Variants in CFAP77 observed in about 807,000 individuals in gnomAD.
CFAP77 encodes the protein cilia- and flagella-associated protein 77.
A neutral mutation model predicts 31.1 loss-of-function variants in CFAP77; 25 were observed. The ratio of observed to expected loss-of-function variants is 0.80; its 90% CI spans 0.59 to 1.12. The LOEUF is 1.12. Among genes scored for constraint, CFAP77 ranks in the 50% most tolerant of loss-of-function variants. CFAP77 has a pLI of 0.00. For synonymous variants in CFAP77, 151 were observed against 159.9 expected (o/e 0.94, Z 0.42); for missense variants, 377 against 397.3 (o/e 0.95, Z 0.44).
In CFAP77 at chr9:132,517,689, C is replaced by T. The variant is rs17149235; in HGVS notation, c.524+18089C>T. On this transcript the variant is annotated intron_variant, in intron 3 of 5. Transcript: ENST00000393216. The surrounding 1 kb of genome is among the most constrained non-coding windows in gnomAD (Gnocchi z 4.7). The stretch of plus-strand genomic sequence containing the variant: ...TGAAGATGGGTTGCCATGAAAGGGC[C>T]CCTCTAATCCACAGAGCACTCCTGG... Among the ~76,000 whole-genome samples, 2 of 152,216 alleles carry T rather than the reference C, an allele frequency of 1.3e-5. No homozygotes were observed. The highest frequency in any genetic ancestry group is 4.8e-5 in the African/African-American group (2 of 41,452).
chr9:132,468,250 G>C (rs756809157), intron 1 of CFAP77, among the ~76,000 whole-genome samples: 13 of 152,154 alleles, frequency 8.5e-5, no homozygotes, highest in Admixed American at 3.3e-4. Flanking sequence ...GGAGGCTGAG[G>C]GGGGAGGATT....
intron 1 of CFAP77, among the ~76,000 whole-genome samples, chr9:132,454,544 C>T (rs1850881362): frequency 6.6e-6 from 1 of 152,168 alleles, no homozygotes; most frequent in Non-Finnish European, 1.5e-5. Flanking sequence ...TGATATTGTT[C>T]ATTGGTTGGT....
chr9:132,453,582 A>G (rs1352695237), intron 1 of CFAP77, among the ~76,000 whole-genome samples: 1 of 152,250 alleles, frequency 6.6e-6, no homozygotes, highest in Non-Finnish European at 1.5e-5. Flanking sequence ...AAGGAAATAT[A>G]TATCATGTTG....
chr9:132,445,944 A>G lies in CFAP77; in HGVS notation c.195+35478A>G, dbSNP rs557882042. Among the ~76,000 whole-genome samples, 3 of 151,932 alleles carry G rather than the reference A, an allele frequency of 2.0e-5. No individual in the cohort carries two copies. The East Asian group carries it at 5.8e-4, about 29-fold the overall frequency. On this transcript the variant is annotated intron_variant, in intron 1 of 5. Coordinates refer to ENST00000393216, the MANE Select transcript of CFAP77 (RefSeq NM_001282957.2). ...GAATTTCTCTGCTCTTGTGTTCTCT[A>G]GTGCTCTTTTAGGGGAGGGGGCTTC...
chr9:132,537,991 C>A (rs1852577881), intron 4 of CFAP77, among the ~76,000 whole-genome samples: 1 of 152,158 alleles, frequency 6.6e-6, no homozygotes, highest in East Asian at 1.9e-4. Context: ...CCCAGCTGTC[C>A]TGACTCCTAC....
intron 1 of CFAP77, among the ~76,000 whole-genome samples, chr9:132,459,925 AGT>A (rs999775352): frequency 1.2e-4 from 18 of 149,744 alleles, no homozygotes; most frequent in African/African-American, 4.2e-4. Flanking sequence ...AGTTTGTATG[AGT>A]GTGTGCGTGA....
chr9:132,529,828 A>G (rs1852407079), intron 3 of CFAP77, among the ~76,000 whole-genome samples: 1 of 148,938 alleles, frequency 6.7e-6, no homozygotes, highest in South Asian at 2.2e-4. Context: ...CTGTCTCAAA[A>G]AAAAAAAAAG....
chr9:132,412,727 G>A (rs1850030420), intron 1 of CFAP77, among the ~76,000 whole-genome samples: 1 of 152,020 alleles, frequency 6.6e-6, no homozygotes, highest in African/African-American at 2.4e-5. Context: ...ACTTCAAACA[G>A]CTTCCTATAT....
At chr9:132,549,353 C>T (rs375557185) in intron 5 of CFAP77, among the ~76,000 whole-genome samples, 2 of 152,296 alleles carry the variant, frequency 1.3e-5, no homozygotes, top group Non-Finnish European at 2.9e-5. Context: ...TTCCTTGCAT[C>T]GGAATAAGAA....
At chr9:132,427,176 C>T (rs1850332404) in intron 1 of CFAP77, among the ~76,000 whole-genome samples, 1 of 152,254 alleles carries the variant, frequency 6.6e-6, no homozygotes, top group Non-Finnish European at 1.5e-5. Context: ...TTCCCCAGAG[C>T]ACGAGAAGCC....
intron 1 of CFAP77, among the ~76,000 whole-genome samples, chr9:132,422,700 C>T (rs1222013241): frequency 6.6e-6 from 1 of 152,132 alleles, no homozygotes; most frequent in Non-Finnish European, 1.5e-5. Context: ...GGGACACCTG[C>T]AGGGGTCAAA....
rs1195170468 is a variant in CFAP77, at chr9:132,524,858, T to C, written c.525-12743T>C. Among the ~76,000 whole-genome samples the C allele has an allele frequency of 4.7e-5, 7 of 147,408 alleles. 1 individual carries two copies. In the East Asian group the frequency reaches 1.2e-3, roughly 26 times the overall value. On this transcript the variant is annotated intron_variant, in intron 3 of 5. Coordinates refer to ENST00000393216, the MANE Select transcript of CFAP77 (RefSeq NM_001282957.2). ...AGAGACGGGGTTTCACAGTGTTAGCTACGATGGTCTCGATCTCCTGACCTC... is the reference window on the plus strand; with the variant it reads ...AGAGACGGGGTTTCACAGTGTTAGCCACGATGGTCTCGATCTCCTGACCTC...
At chr9:132,468,065 G>A (rs897738783) in intron 1 of CFAP77, among the ~76,000 whole-genome samples, 2 of 151,988 alleles carry the variant, frequency 1.3e-5, no homozygotes, top group Non-Finnish European at 2.9e-5. Flanking sequence ...GATTAGGGCC[G>A]GGTGTGGTGG....
chr9:132,504,121 TAGAA>T (rs1380322046), intron 3 of CFAP77, among the ~76,000 whole-genome samples: 6 of 152,066 alleles, frequency 3.9e-5, no homozygotes, highest in African/African-American at 1.4e-4. Flanking sequence ...CAGGAGAAAA[TAGAA>T]AGAAGTTAAG....
chr9:132,460,161 C>G (rs61532248), intron 1 of CFAP77, among the ~76,000 whole-genome samples: 11,250 of 152,180 alleles, frequency 0.074, 404 homozygotes, highest in Middle Eastern at 0.1. Flanking sequence ...CATCCATTTC[C>G]TGCTGTTGCT....
At chr9:132,463,921 A>T (rs1267021712) in intron 1 of CFAP77, among the ~76,000 whole-genome samples, 1 of 152,184 alleles carries the variant, frequency 6.6e-6, no homozygotes, top group Non-Finnish European at 1.5e-5. Flanking sequence ...GTGTGGGTGG[A>T]TTCCACTCCA....
chr9:132,494,668 T>C (rs1851711116), intron 1 of CFAP77, among the ~76,000 whole-genome samples: 1 of 150,800 alleles, frequency 6.6e-6, no homozygotes, highest in Non-Finnish European at 1.5e-5. Flanking sequence ...AACAGCACTA[T>C]CCACGGTGGT....
chr9:132,465,330 C>T (rs924805475), intron 1 of CFAP77, among the ~76,000 whole-genome samples: 13 of 152,070 alleles, frequency 8.5e-5, no homozygotes, highest in African/African-American at 3.1e-4. Flanking sequence ...TTCCTGAAGT[C>T]TTGTTTGCAT....
chr9:132,516,690 G>A (rs1852152871), intron 3 of CFAP77, among the ~76,000 whole-genome samples: 1 of 152,108 alleles, frequency 6.6e-6, no homozygotes, highest in Admixed American at 6.5e-5. Context: ...TATCCTGGCT[G>A]TGATTTTATT....
Sources: allele counts gnomAD v4.1 joint callset (sites outside exome capture counted in the v4.1 genomes callset), GRCh38; gene constraint gnomAD v4.1.1; non-coding constraint Gnocchi (gnomAD v3.1); transcripts MANE v1.5; gene names NCBI Gene and HGNC (gene_info 2026-07-23, HGNC 2026-07-21).